Variants in ADARB2 observed in about 807,000 individuals in gnomAD.
ADARB2 encodes the protein adenosine deaminase RNA specific B2 (inactive), also known as inactive double-stranded RNA-specific editase B2.
ADARB2 carries 25 observed loss-of-function variants against 62.2 expected under a neutral mutation model. The ratio of observed to expected loss-of-function variants is 0.40; its 90% CI spans 0.29 to 0.56. The LOEUF is 0.56. Among genes scored for constraint, ADARB2 ranks in the 20% least tolerant of loss-of-function variants. ADARB2 has a pLI of 0.43. For missense variants in ADARB2, 1,071 were observed against 1,077.4 expected, an observed-to-expected ratio of 0.99 and a Z score of 0.08; for synonymous variants, 572 against 500.8, an observed-to-expected ratio of 1.14 and a Z score of -1.90.
At chr10:1,317,863 C>T (rs988210632) in intron 3 of ADARB2, among the ~76,000 whole-genome samples, 9 of 152,116 alleles carry the variant, frequency 5.9e-5, no homozygotes, top group African/African-American at 1.9e-4. Context: ...CTCTCTGCAC[C>T]CCAGCCTTCC....
At chr10:1,239,509 C>T (rs1230376498) in intron 5 of ADARB2, among the ~76,000 whole-genome samples, 3 of 1,380 alleles carry the variant, frequency 2.2e-3, no homozygotes, top group Non-Finnish European at 2.2e-3. Context: ...CTCCCCTCTG[C>T]CTCCCGGTGT....
intron 3 of ADARB2, among the ~76,000 whole-genome samples, chr10:1,299,644 G>A (rs980655017): frequency 1.3e-5 from 2 of 152,170 alleles, no homozygotes; most frequent in African/African-American, 4.8e-5. Flanking sequence ...CCACACTGGT[G>A]CACGGCTTGG....
intron 8 of ADARB2, among the ~76,000 whole-genome samples, chr10:1,186,309 A>T (rs905034091): frequency 1.3e-5 from 2 of 152,222 alleles, no homozygotes; most frequent in Non-Finnish European, 2.9e-5. Context: ...TGGGGGAGGC[A>T]CGTGCTGTTT....
chr10:1,444,274 T>C (rs1221510008), intron 1 of ADARB2, among the ~76,000 whole-genome samples: 3 of 42,414 alleles, frequency 7.1e-5, no homozygotes, highest in African/African-American at 1.5e-4. Flanking sequence ...TCTATTTCCA[T>C]CTATCTACAT....
chr10:1,658,380 TG>T (rs1431056312), intron 1 of ADARB2, among the ~76,000 whole-genome samples: 6 of 152,010 alleles, frequency 3.9e-5, no homozygotes, highest in African/African-American at 1.5e-4. Flanking sequence ...TGTCTCTCTG[TG>T]TATCTCTTGT....
At chr10:1,271,169 G>T in intron 3 of ADARB2, 100 bp from the exon 4 acceptor site, 1 of 908,198 alleles carries the variant, frequency 1.1e-6, no homozygotes, top group Non-Finnish European at 1.7e-6. Context: ...ATCCCCATGT[G>T]GCCACACATG....
intron 1 of ADARB2, among the ~76,000 whole-genome samples, chr10:1,717,093 A>G (rs1835028200): frequency 7.5e-6 from 1 of 133,148 alleles, no homozygotes; most frequent in Admixed American, 7.7e-5. Flanking sequence ...TGTTATTCTG[A>G]TCACGTGTTT....
chr10:1,195,287 C>T (rs1398952610), intron 8 of ADARB2, among the ~76,000 whole-genome samples: 1 of 152,200 alleles, frequency 6.6e-6, no homozygotes, highest in Non-Finnish European at 1.5e-5. Flanking sequence ...ACATCTCCCA[C>T]CATCCTCAGG....
intron 3 of ADARB2, among the ~76,000 whole-genome samples, chr10:1,345,203 C>T (rs1235311201): frequency 1.3e-5 from 2 of 152,064 alleles, no homozygotes; most frequent in East Asian, 1.9e-4. Flanking sequence ...CTCACGAGGC[C>T]TCGTCAGACC....
intron 1 of ADARB2, among the ~76,000 whole-genome samples, chr10:1,490,829 C>T (rs1323546860): frequency 6.6e-6 from 1 of 152,178 alleles, no homozygotes; most frequent in Non-Finnish European, 1.5e-5. Flanking sequence ...GAATCCAGAG[C>T]TGAACTTGGT....
chr10:1,514,822 C>G (rs1831988585), intron 1 of ADARB2, among the ~76,000 whole-genome samples: 1 of 152,108 alleles, frequency 6.6e-6, no homozygotes, highest in African/African-American at 2.4e-5. Context: ...TACACCTTGC[C>G]AAGTACATGG....
chr10:1,233,576 T>C lies in ADARB2; in HGVS notation c.1513+118A>G, dbSNP rs2131770315. 4 of 1,103,252 alleles carry C rather than the reference T, an allele frequency of 3.6e-6. No individual in the cohort carries two copies. The East Asian group carries it at 1.1e-4, about 30-fold the overall frequency. 68.3% of individuals were successfully genotyped at this position (1,103,252 alleles called of 1,614,324 possible). A position where few individuals can be genotyped will look rare whatever the true frequency, so the allele number is the denominator to read the frequency against. On this transcript the variant is annotated intron_variant, in intron 6 of 9. Transcript: ENST00000381312. ...AATTGTAGACTCAATCCCCTTCCAG[T>C]ACCCAAGGGCCCCACACACCGCGCC...
chr10:1,233,707 C>G lies in ADARB2; in HGVS notation c.1500G>C (p.Glu500Asp). Residue 500 changes from glutamate to aspartate, a missense_variant, in exon 6 of 10, where the codon GAG becomes GAC. Physicochemically the swap from Glu to Asp is conservative, Grantham distance 45. Transcript: ENST00000381312. ...ATGGTCTCTTACGGTCTGTGGTGAT[C>G]TCGTAGGGAGAGTGGAGTCTTGCGT... ...CGDARLHSPY[E>D]ITTDLHSSKH... The G allele has an allele frequency of 6.2e-7, 1 of 1,613,404 alleles. No individual in the cohort carries two copies. The highest frequency in any genetic ancestry group is 8.5e-7 in the Non-Finnish European group (1 of 1,179,680).
intron 1 of ADARB2, among the ~76,000 whole-genome samples, chr10:1,409,414 C>T (rs554352572): frequency 6.6e-5 from 10 of 152,348 alleles, no homozygotes; most frequent in Middle Eastern, 3.4e-3. Context: ...GCTTGGCCAT[C>T]GCTGTGGCAA....
At chr10:1,451,427 G>T (rs768039142) in intron 1 of ADARB2, among the ~76,000 whole-genome samples, 6 of 152,240 alleles carry the variant, frequency 3.9e-5, no homozygotes, top group Non-Finnish European at 7.3e-5. Context: ...CTCAGAGTCT[G>T]AGGCAACTTG....
Position 1,498,450 on chromosome 10 carries a change from T to C in ADARB2, c.101-119290A>G, listed in dbSNP as rs1041222708. On this transcript the variant is annotated intron_variant, in intron 1 of 9. Coordinates refer to ENST00000381312, the MANE Select transcript of ADARB2 (RefSeq NM_018702.4). Reference sequence around the variant, plus strand: ...ACAAAGGAAAAGAAAAGAAAACTATTTGGAGTGATCTCATATGTGTGAAAA... The same window carrying C: ...ACAAAGGAAAAGAAAAGAAAACTATCTGGAGTGATCTCATATGTGTGAAAA... Among the ~76,000 whole-genome samples the C allele has an allele frequency of 2.0e-5, 3 of 151,946 alleles. No individual in the cohort carries two copies. The East Asian group carries it at 5.8e-4, about 29-fold the overall frequency.
chr10:1,495,182 C>T (rs1831670633), intron 1 of ADARB2, among the ~76,000 whole-genome samples: 1 of 152,160 alleles, frequency 6.6e-6, no homozygotes, highest in Non-Finnish European at 1.5e-5. Context: ...TCCTTTAAGT[C>T]TGCTACAAAA....
Position 1,572,056 on chromosome 10 carries a change from G to GAGTGTGCAGGTGAGTGGACAGGT in ADARB2, c.100+164994_100+164995insACCTGTCCACTCACCTGCACACT, listed in dbSNP as rs1372062831. 1.6e-3 allele frequency among the ~76,000 whole-genome samples: 203 copies of GAGTGTGCAGGTGAGTGGACAGGT among 127,804 alleles called. 2 individuals are homozygous for GAGTGTGCAGGTGAGTGGACAGGT. Among genetic ancestry groups the GAGTGTGCAGGTGAGTGGACAGGT allele is most frequent in the Non-Finnish European group, 2.2e-3 (128 of 59,414 alleles). The allele number at this position is 127,804 out of a possible 152,430, so 83.8% of individuals were successfully genotyped here. On this transcript the variant is annotated intron_variant, in intron 1 of 9. Transcript: ENST00000381312. ...GTGAGTGTGCAGGTGAGTGGACAGG[G>GAGTGTGCAGGTGAGTGGACAGGT]GAGTGTGCAGGTGAGTGGACAGGTG...
At chr10:1,263,132 G>C (rs991057266) in intron 4 of ADARB2, among the ~76,000 whole-genome samples, 3 of 131,236 alleles carry the variant, frequency 2.3e-5, no homozygotes, top group Non-Finnish European at 4.8e-5. Flanking sequence ...GGCCTGTTGT[G>C]GGGTGGGGGG....
Sources: gnomAD v4.1 joint callset for allele counts (sites outside exome capture counted in the v4.1 genomes callset) on GRCh38, gnomAD v4.1.1 for gene constraint, MANE v1.5 for transcripts, NCBI Gene and HGNC (gene_info 2026-07-23, HGNC 2026-07-21) for gene names.